GRAMD1B: variants seen among roughly 807,000 people sequenced by gnomAD.
GRAMD1B encodes protein Aster-B.
A neutral mutation model predicts 99.7 loss-of-function variants in GRAMD1B; 37 were observed. The ratio of observed to expected loss-of-function variants is 0.37; its 90% CI spans 0.29 to 0.49. The LOEUF (loss-of-function observed/expected upper bound fraction) is 0.49. GRAMD1B is among the 20% of genes least tolerant of loss of function. The pLI is 0.98. For synonymous variants in GRAMD1B, 427 were observed against 387.6 expected, an observed-to-expected ratio of 1.10 and a Z score of -1.19; for missense variants, 888 against 1,009.2, an observed-to-expected ratio of 0.88 and a Z score of 1.63.
intron 2 of GRAMD1B, among the ~76,000 whole-genome samples, chr11:123,535,198 CT>C (rs1943835063): frequency 6.6e-6 from 1 of 151,272 alleles, no homozygotes; most frequent in Admixed American, 6.6e-5. Context: ...GTGGGAAGAG[CT>C]TTAGAAATTA....
intron 9 of GRAMD1B, among the ~76,000 whole-genome samples, chr11:123,604,282 A>G (rs1952402662): frequency 6.6e-6 from 1 of 152,212 alleles, no homozygotes; most frequent in Non-Finnish European, 1.5e-5. Flanking sequence ...CGGTGAACCT[A>G]AAAAGGAGTT....
At chr11:123,479,110 C>T (rs575172002) in intron 1 of GRAMD1B, among the ~76,000 whole-genome samples, 2 of 152,318 alleles carry the variant, frequency 1.3e-5, no homozygotes, top group African/African-American at 2.4e-5. Context: ...GCTGTAAAAA[C>T]GTGCTGCATG....
intron 1 of GRAMD1B, among the ~76,000 whole-genome samples, chr11:123,405,360 A>G (rs1947819779): frequency 6.6e-6 from 1 of 152,272 alleles, no homozygotes; most frequent in East Asian, 1.9e-4. Context: ...TCTGGCTGCC[A>G]CCATCCTCCC....
rs1938696978 is a variant in GRAMD1B at position 123,492,734 on chromosome 11, A to C, written c.452+11841A>C. 6.6e-6 allele frequency among the ~76,000 whole-genome samples: 1 copy of C among 152,118 alleles called. No individual in the cohort carries two copies. On this transcript the variant is annotated intron_variant, in intron 2 of 19. Coordinates refer to ENST00000635736, the MANE Select transcript of GRAMD1B (RefSeq NM_001387025.1). The surrounding 1 kb of genome is among the most constrained non-coding windows in gnomAD (Gnocchi z 4.2). ...ATCACTGAGAAAGATGGAATGAATG[A>C]AGTGAGGAGAGAAAAGGAAGGAGAA...
intron 2 of GRAMD1B, among the ~76,000 whole-genome samples, chr11:123,490,818 A>G (rs56318226): frequency 0.017 from 2,530 of 152,216 alleles, 79 homozygotes; most frequent in African/African-American, 0.057. Flanking sequence ...TGAGAAGATT[A>G]CCCTTGAACA....
At chr11:123,408,532 G>A (rs924236239) in intron 1 of GRAMD1B, among the ~76,000 whole-genome samples, 4 of 152,210 alleles carry the variant, frequency 2.6e-5, no homozygotes, top group African/African-American at 9.7e-5. Flanking sequence ...TGTGTAAATG[G>A]ATGGCATGTT....
At chr11:123,411,742 G>A (rs1373476177) in intron 1 of GRAMD1B, among the ~76,000 whole-genome samples, 1 of 151,910 alleles carries the variant, frequency 6.6e-6, no homozygotes, top group Non-Finnish European at 1.5e-5. Flanking sequence ...TGACTTCCAG[G>A]GCTTCAGTGA....
intron 1 of GRAMD1B, among the ~76,000 whole-genome samples, chr11:123,440,300 C>A (rs1441686790): frequency 6.6e-6 from 1 of 152,090 alleles, no homozygotes; most frequent in African/African-American, 2.4e-5. Context: ...AACCTGAGGT[C>A]AGGAATTGAA....
intron 1 of GRAMD1B, among the ~76,000 whole-genome samples, chr11:123,364,235 T>C (rs906687385): frequency 6.6e-6 from 1 of 152,226 alleles, no homozygotes; most frequent in Non-Finnish European, 1.5e-5. Flanking sequence ...GGTGGAACAG[T>C]TGGACTCGGA....
intron 2 of GRAMD1B, chr11:123,560,412 G>C: frequency 8.5e-7 from 1 of 1,180,096 alleles, no homozygotes; most frequent in Non-Finnish European, 1.1e-6. Flanking sequence ...GGGGAGTCAT[G>C]CTTAAAATGC....
intron 1 of GRAMD1B, among the ~76,000 whole-genome samples, chr11:123,439,293 C>T (rs981003145): frequency 6.6e-6 from 1 of 152,126 alleles, no homozygotes; most frequent in Non-Finnish European, 1.5e-5. Context: ...AGAAGGGAAG[C>T]AGGATGGTGA....
At chr11:123,526,035 A>T in intron 2 of GRAMD1B, 3 of 873,466 alleles carry the variant, frequency 3.4e-6, no homozygotes, top group Non-Finnish European at 3.8e-6. Context: ...AAGTCACATT[A>T]CATGGGATTC....
In GRAMD1B at chr11:123,419,599, C is replaced by G. The variant is rs1012791650; in HGVS notation, c.-176+60800C>G. Among the ~76,000 whole-genome samples, 5 of 151,994 alleles carry G rather than the reference C, an allele frequency of 3.3e-5. No individual in the cohort carries two copies. In the East Asian group the frequency reaches 9.6e-4, roughly 29 times the overall value. On this transcript the variant is annotated intron_variant, in intron 1 of 20. Coordinates refer to the GRAMD1B transcript ENST00000638157. ...TAAACTATGATTGTGCTACTGCACT[C>G]CAGCCTAGGTGACAGAGACCCTGTC... is the stretch of plus-strand genomic sequence containing the variant.
At chr11:123,372,565 G>A (rs1382857034) in intron 1 of GRAMD1B, among the ~76,000 whole-genome samples, 1 of 152,076 alleles carries the variant, frequency 6.6e-6, no homozygotes, top group African/African-American at 2.4e-5. Context: ...CTCATTTAGG[G>A]GACAGCTTGT....
At chr11:123,487,051 A>G (rs905115552) in intron 2 of GRAMD1B, among the ~76,000 whole-genome samples, 5 of 152,266 alleles carry the variant, frequency 3.3e-5, no homozygotes, top group Non-Finnish European at 7.3e-5. Context: ...CCTGGATGAC[A>G]GAGTGAGACT....
At chr11:123,394,517 T>C (rs1393157867) in intron 1 of GRAMD1B, among the ~76,000 whole-genome samples, 2 of 152,190 alleles carry the variant, frequency 1.3e-5, no homozygotes, top group Admixed American at 6.5e-5. Flanking sequence ...CATAGTACTT[T>C]TTACCTTTTC....
chr11:123,611,294 G>C (rs1450986356), intron 14 of GRAMD1B, among the ~76,000 whole-genome samples: 2 of 152,016 alleles, frequency 1.3e-5, no homozygotes, highest in African/African-American at 4.8e-5. Flanking sequence ...AGTTCGCCAG[G>C]AGTGGTGGCG....
At chr11:123,451,843 A>G (rs1474674295) in intron 1 of GRAMD1B, among the ~76,000 whole-genome samples, 1 of 149,084 alleles carries the variant, frequency 6.7e-6, no homozygotes, top group Non-Finnish European at 1.5e-5. Context: ...CAGATTATAT[A>G]TATATATGTA....
chr11:123,609,486 C>T (rs1953232147), intron 12 of GRAMD1B, among the ~76,000 whole-genome samples: 2 of 152,180 alleles, frequency 1.3e-5, no homozygotes, highest in South Asian at 2.1e-4. Context: ...GACCCTAGGC[C>T]CTCGCCACAG....
Sources: gnomAD v4.1 joint callset for allele counts (sites outside exome capture counted in the v4.1 genomes callset) on GRCh38, gnomAD v4.1.1 for gene constraint, Gnocchi (gnomAD v3.1) non-coding constraint, MANE v1.5 for transcripts, NCBI Gene and HGNC (gene_info 2026-07-23, HGNC 2026-07-21) for gene names.